Variants in TOM1L2 observed in about 807,000 individuals in gnomAD.
TOM1L2 encodes target of myb1 like 2 membrane trafficking protein.
Under a neutral mutation model 67.9 loss-of-function variants are expected in TOM1L2, and 31 were observed. That is an observed-to-expected ratio of 0.46 (90% CI 0.34 to 0.62). The LOEUF is 0.62. Ranked by LOEUF, TOM1L2 falls within the 20% of genes least tolerant of loss-of-function variation. TOM1L2 has a pLI of 0.01. For missense variants in TOM1L2, 606 were observed against 663.5 expected, an observed-to-expected ratio of 0.91 and a Z score of 0.95; for synonymous variants, 256 against 254.0, an observed-to-expected ratio of 1.01 and a Z score of -0.07.
intron 13 of TOM1L2, among the ~76,000 whole-genome samples, chr17:17,850,333 A>G (rs1037225926): frequency 1.3e-5 from 2 of 152,190 alleles, no homozygotes; most frequent in Non-Finnish European, 2.9e-5. Flanking sequence ...TTTCAGATGC[A>G]TAGTATCCTC....
chr17:17,915,119 T>G (rs890127325), intron 1 of TOM1L2, among the ~76,000 whole-genome samples: 2 of 152,220 alleles, frequency 1.3e-5, no homozygotes, highest in African/African-American at 2.4e-5. Context: ...TACAGAGGTC[T>G]TCTATGTTAT....
At chr17:17,903,944 C>A (rs537413536) in intron 2 of TOM1L2, among the ~76,000 whole-genome samples, 3 of 152,006 alleles carry the variant, frequency 2.0e-5, no homozygotes, top group Non-Finnish European at 4.4e-5. Flanking sequence ...GGGTGGGGTG[C>A]CCTACTGTCA....
chr17:17,891,386 G>C (rs898900643), intron 4 of TOM1L2, among the ~76,000 whole-genome samples: 1 of 152,238 alleles, frequency 6.6e-6, no homozygotes, highest in African/African-American at 2.4e-5. Context: ...GGAGGAGCTG[G>C]AAAGTGTGGA....
chr17:17,894,731 G>T (rs2038466409), intron 3 of TOM1L2, among the ~76,000 whole-genome samples: 2 of 152,214 alleles, frequency 1.3e-5, no homozygotes, highest in Admixed American at 1.3e-4. Context: ...AGGAATTCAA[G>T]ACCAGCCTAG....
intron 3 of TOM1L2, among the ~76,000 whole-genome samples, chr17:17,894,121 C>A (rs953078017): frequency 6.6e-6 from 1 of 152,182 alleles, no homozygotes; most frequent in Non-Finnish European, 1.5e-5. Context: ...AATGACTGAG[C>A]GGTCCCTGAA....
intron 12 of TOM1L2, among the ~76,000 whole-genome samples, chr17:17,854,625 G>A (rs1283971077): frequency 1.3e-5 from 2 of 152,036 alleles, no homozygotes; most frequent in Non-Finnish European, 2.9e-5. Context: ...CCCAGGTTCA[G>A]ATAATCCTTG....
intron 1 of TOM1L2, among the ~76,000 whole-genome samples, chr17:17,945,324 A>G (rs940549027): frequency 6.6e-6 from 1 of 151,958 alleles, no homozygotes; most frequent in South Asian, 2.1e-4. Context: ...TCCTTGATGA[A>G]TTATTTAACT....
chr17:17,966,359 T>A (rs745778205), intron 1 of TOM1L2, among the ~76,000 whole-genome samples: 10 of 152,212 alleles, frequency 6.6e-5, no homozygotes, highest in Non-Finnish European at 8.8e-5. Flanking sequence ...ATAATCACTC[T>A]TTTAGCCTGT....
At chr17:17,883,477 GTAA>G (rs773094679) in intron 5 of TOM1L2, among the ~76,000 whole-genome samples, 8 of 152,036 alleles carry the variant, frequency 5.3e-5, no homozygotes, top group Non-Finnish European at 1.0e-4. Flanking sequence ...GCTTACGCCT[GTAA>G]TCTCAGCACT....
chr17:17,970,637 G>A (rs945727191), intron 1 of TOM1L2, among the ~76,000 whole-genome samples: 95 of 152,252 alleles, frequency 6.2e-4, no homozygotes, highest in African/African-American at 2.2e-3. Flanking sequence ...TGTCAAAAAG[G>A]TGGGAAAACA....
In TOM1L2 at chr17:17,928,574, G is replaced by T. The variant is rs1375076255; in HGVS notation, c.53-21043C>A. Among the ~76,000 whole-genome samples, 3 of 152,214 alleles carry T rather than the reference G, an allele frequency of 2.0e-5. No homozygotes were observed. The South Asian group carries it at 6.2e-4, about 32-fold the overall frequency. On this transcript the variant is annotated intron_variant, in intron 1 of 14. Transcript: ENST00000379504. The stretch of plus-strand genomic sequence containing the variant: ...CCTCCTCTCAGTGAGGGCCCCAGAC[G>T]GCCCCCGCGTGAGCATGCACACACG...
intron 6 of TOM1L2, among the ~76,000 whole-genome samples, chr17:17,881,122 CTCAA>C (rs1206274103): frequency 6.6e-6 from 1 of 152,184 alleles, no homozygotes; most frequent in African/African-American, 2.4e-5. Context: ...GACAGGAGAC[CTCAA>C]TCAATGGTCT....
chr17:17,862,963 T>C (rs1390472150), intron 10 of TOM1L2, 115 bp from the exon 11 acceptor site: 1 of 175,010 alleles, frequency 5.7e-6, no homozygotes, highest in East Asian at 1.4e-4. Flanking sequence ...ATGGGGAGGG[T>C]GGGGCGGGAC....
intron 1 of TOM1L2, among the ~76,000 whole-genome samples, chr17:17,920,660 A>C (rs2039825116): frequency 6.7e-6 from 1 of 149,068 alleles, no homozygotes; most frequent in Non-Finnish European, 1.5e-5. Context: ...CTTGAGACGG[A>C]GTATCACCCT....
intron 2 of TOM1L2, among the ~76,000 whole-genome samples, chr17:17,903,632 G>A (rs1487186630): frequency 6.8e-6 from 1 of 146,700 alleles, no homozygotes; most frequent in African/African-American, 2.5e-5. Context: ...AAAAAAAAAT[G>A]TTGGGTAAAA....
rs11334951 is a variant in TOM1L2 at position 17,863,563 on chromosome 17, CTT to C, written c.1085-717_1085-716del. Among the ~76,000 whole-genome samples, 878 of 130,532 alleles carry C rather than the reference CTT, an allele frequency of 6.7e-3. 8 individuals are homozygous for C. Among genetic ancestry groups the C allele is most frequent in the African/African-American group, 0.019 (682 of 35,278 alleles). 85.6% of individuals were successfully genotyped at this position (130,532 alleles called of 152,430 possible). A position where few individuals can be genotyped will look rare whatever the true frequency, so the allele number is the denominator to read the frequency against. On this transcript the variant is annotated intron_variant, in intron 10 of 14. Coordinates refer to ENST00000379504, the MANE Select transcript of TOM1L2 (RefSeq NM_001082968.2). ...AAGGAGTGGGTGGGAAGACACTAGA[CTT>C]TTTTTTTTTTTTTTTTTTAAAGAGA...
At chr17:17,914,722 G>A (rs1451575248) in intron 1 of TOM1L2, among the ~76,000 whole-genome samples, 13 of 152,166 alleles carry the variant, frequency 8.5e-5, no homozygotes. Context: ...CTCTGGCTGT[G>A]TATTGCATTC....
chr17:17,876,095 A>G (rs1017910574), intron 7 of TOM1L2, among the ~76,000 whole-genome samples: 1 of 152,264 alleles, frequency 6.6e-6, no homozygotes, highest in Non-Finnish European at 1.5e-5. Context: ...TTGAAGACAA[A>G]GCTCAAAAGG....
chr17:17,887,954 G>A (rs2038081909), intron 4 of TOM1L2, among the ~76,000 whole-genome samples: 1 of 152,248 alleles, frequency 6.6e-6, no homozygotes. Flanking sequence ...TGAAGTGACA[G>A]TGACAAAGGA....
Sources: gnomAD v4.1 joint callset for allele counts (sites outside exome capture counted in the v4.1 genomes callset) on GRCh38, gnomAD v4.1.1 for gene constraint, MANE v1.5 for transcripts, NCBI Gene and HGNC (gene_info 2026-07-23, HGNC 2026-07-21) for gene names.